The following C8orf89 variants were observed in gnomAD, a reference collection of about 807,000 sequenced individuals.
C8orf89 encodes putative uncharacterized protein C8orf89.
C8orf89 carries 14 observed loss-of-function variants against 15.8 expected under a neutral mutation model. That is an observed-to-expected ratio of 0.89 (90% CI 0.59 to 1.39). The LOEUF is 1.39. Ranked by LOEUF, C8orf89 falls within the 40% of genes most tolerant of loss-of-function variation. C8orf89 has a pLI of 0.00. For synonymous variants in C8orf89, 55 were observed against 62.2 expected (o/e 0.88, Z 0.54); for missense variants, 181 against 184.5 (o/e 0.98, Z 0.11).
chr8:73,274,605 G>C, the C8orf89 span, among the ~76,000 whole-genome samples: 1 of 152,006 alleles, frequency 6.6e-6, no homozygotes, highest in Non-Finnish European at 1.5e-5. Context: ...GCATGTTTGC[G>C]TCCTATGTTT....
At chr8:73,277,611 C>T in the C8orf89 span, 1 of 761,372 alleles carries the variant, frequency 1.3e-6, no homozygotes. Flanking sequence ...TCATCTTCTG[C>T]CTTTGTGGAC....
At chr8:73,276,178 C>CTTTT in the C8orf89 span, among the ~76,000 whole-genome samples, 3 of 131,652 alleles carry the variant, frequency 2.3e-5, no homozygotes, top group Admixed American at 8.1e-5. Context: ...ATTTCTGATG[C>CTTTT]TTTTTTTTTT....
At chr8:73,242,904 G>C (rs1341183547) in intron 3 of C8orf89, among the ~76,000 whole-genome samples, 1 of 152,212 alleles carries the variant, frequency 6.6e-6, no homozygotes, top group African/African-American at 2.4e-5. Flanking sequence ...GGAAGTAACT[G>C]AAGTGTCCAT....
chr8:73,285,746 G>A, the C8orf89 span, among the ~76,000 whole-genome samples: 20 of 152,196 alleles, frequency 1.3e-4, no homozygotes, highest in Admixed American at 1.2e-3. Flanking sequence ...CGGCAGCCCG[G>A]TGCCCACCTC....
upstream of C8orf89, among the ~76,000 whole-genome samples, chr8:73,261,525 C>G (rs115161221): frequency 6.6e-6 from 1 of 151,954 alleles, no homozygotes; most frequent in African/African-American, 2.4e-5. Context: ...TAGGGAGAGG[C>G]GAGCCCTCCC....
chr8:73,280,608 A>G, the C8orf89 span, among the ~76,000 whole-genome samples: 1 of 152,030 alleles, frequency 6.6e-6, no homozygotes, highest in African/African-American at 2.4e-5. Context: ...TCCTGACCTC[A>G]GGTAATCCAC....
At chr8:73,255,908 A>G (rs1434322588) in intron 2 of C8orf89, among the ~76,000 whole-genome samples, 2 of 147,696 alleles carry the variant, frequency 1.4e-5, no homozygotes, top group Non-Finnish European at 3.0e-5. Flanking sequence ...GAATTGAACA[A>G]TGAGAACACA....
chr8:73,270,541 T>A, the C8orf89 span, among the ~76,000 whole-genome samples: 1 of 152,168 alleles, frequency 6.6e-6, no homozygotes, highest in Non-Finnish European at 1.5e-5. Flanking sequence ...TCAAATTATC[T>A]TTCAGGAAGG....
chr8:73,255,597 T>TATA (rs1813355495), intron 2 of C8orf89, among the ~76,000 whole-genome samples: 1 of 150,502 alleles, frequency 6.6e-6, no homozygotes, highest in Admixed American at 6.6e-5. Flanking sequence ...GACCCAGCCA[T>TATA]CCCATTACTG....
chr8:73,259,076 A>T (rs751478367), intron 1 of C8orf89, among the ~76,000 whole-genome samples: 5 of 152,206 alleles, frequency 3.3e-5, no homozygotes, highest in Non-Finnish European at 7.3e-5. Context: ...GATATTAAGA[A>T]ATGCAGTTCT....
At chr8:73,268,458 G>A in the C8orf89 span, among the ~76,000 whole-genome samples, 29 of 151,626 alleles carry the variant, frequency 1.9e-4, 1 homozygote, top group East Asian at 1.9e-4. Context: ...CAGCCTGGGC[G>A]ACAGGGTGAG....
upstream of C8orf89, among the ~76,000 whole-genome samples, chr8:73,260,686 A>T (rs1402278655): frequency 6.6e-6 from 1 of 152,184 alleles, no homozygotes; most frequent in East Asian, 1.9e-4. Flanking sequence ...CCAGCAAAGC[A>T]AGGATGTGGG....
intron 3 of C8orf89, among the ~76,000 whole-genome samples, chr8:73,245,491 G>A (rs964164555): frequency 2.0e-5 from 3 of 151,720 alleles, no homozygotes; most frequent in African/African-American, 7.3e-5. Context: ...AGAACATGGA[G>A]GAAAAAGATA....
chr8:73,254,996 A>G (rs1267304471), intron 2 of C8orf89, among the ~76,000 whole-genome samples: 1 of 152,190 alleles, frequency 6.6e-6, no homozygotes, highest in Admixed American at 6.5e-5. Context: ...TAAATGTTAG[A>G]CCTAAAACCA....
chr8:73,264,281 G>A (rs1049093967), upstream of C8orf89, among the ~76,000 whole-genome samples: 6 of 152,322 alleles, frequency 3.9e-5, no homozygotes, highest in African/African-American at 1.4e-4. Flanking sequence ...AGCTGGGAAA[G>A]TATACTTCAG....
At chr8:73,277,804 G>A in the C8orf89 span, 27 of 726,126 alleles carry the variant, frequency 3.7e-5, no homozygotes, top group Middle Eastern at 2.8e-4. Context: ...CCTGGCCTCC[G>A]CACAGCCATA....
At chr8:73,256,726 C>CAGAAAAAA (rs746689876) in intron 2 of C8orf89, among the ~76,000 whole-genome samples, 9 of 43,702 alleles carry the variant, frequency 2.1e-4, no homozygotes, top group African/African-American at 5.5e-4. Flanking sequence ...GACTCTGTCT[C>CAGAAAAAA]AAAAAAAAAA....
chr8:73,246,581 G>A (rs1813128986), intron 3 of C8orf89, among the ~76,000 whole-genome samples: 1 of 152,160 alleles, frequency 6.6e-6, no homozygotes, highest in Non-Finnish European at 1.5e-5. Flanking sequence ...GTCTCATCAT[G>A]TTGGCCAGGC....
intron 2 of C8orf89, among the ~76,000 whole-genome samples, chr8:73,255,712 A>G (rs1813361118): frequency 1.3e-5 from 2 of 150,842 alleles, no homozygotes; most frequent in Non-Finnish European, 3.0e-5. Flanking sequence ...ACCAACCCAA[A>G]TGTCCAACAA....
Sources: gnomAD v4.1 joint callset for allele counts (sites outside exome capture counted in the v4.1 genomes callset) on GRCh38, gnomAD v4.1.1 for gene constraint, MANE v1.5 for transcripts, NCBI Gene and HGNC (gene_info 2026-07-23, HGNC 2026-07-21) for gene names.